The following AMPD2 variants were observed in gnomAD, a reference collection of about 807,000 sequenced individuals.
AMPD2 encodes adenosine monophosphate deaminase 2, also known as AMP deaminase 2.
A neutral mutation model predicts 91.3 loss-of-function variants in AMPD2; 52 were observed. The observed-to-expected ratio is 0.57, with a 90% CI of 0.46 to 0.72. The LOEUF (loss-of-function observed/expected upper bound fraction) is 0.72, where lower values mean the gene tolerates loss of function less well. Among genes scored for constraint, AMPD2 ranks in the 30% least tolerant of loss-of-function variants. The pLI, the probability that AMPD2 is intolerant of heterozygous loss-of-function variation, is 0.00. For missense variants in AMPD2, 822 were observed against 1,122.3 expected, an observed-to-expected ratio of 0.73 and a Z score of 3.82; for synonymous variants, 455 against 456.4, an observed-to-expected ratio of 1.00 and a Z score of 0.04.
Position 109,629,474 on chromosome 1 carries a change from T to C in AMPD2, c.1846T>C (p.Leu616=), listed in dbSNP as rs757521991. ...CTACACCTTTGCCAACATGGCCATG[T>C]TGAACCACCTGCGCAGGTGCCTGCA... ...LYYTFANMAM[L]NHLRRQRGFH... The change falls in exon 15 of 19, where the codon TTG becomes CTG. Residue 616 remains leucine (L), a synonymous_variant. Coordinates refer to ENST00000528667, the MANE Select transcript of AMPD2 (RefSeq NM_001368809.2). 9.3e-5 allele frequency: 150 copies of C among 1,613,800 alleles called. 3 individuals are homozygous for C. The South Asian group carries it at 1.5e-3, about 17-fold the overall frequency.
In AMPD2 at chr1:109,628,554, G is replaced by C. The variant is rs1416422889; in HGVS notation, c.1407+59G>C. The C allele has an allele frequency of 5.6e-6, 9 of 1,612,464 alleles. No homozygotes were observed. The highest frequency in any genetic ancestry group is 7.6e-6 in the Non-Finnish European group (9 of 1,179,432). ...CCTGAGGATCTGGGGGCTTTTAGGG[G>C]GTGAGACTCAAGGAGGGTAGGCAGA... On this transcript the variant is annotated intron_variant, in intron 12 of 18. Transcript: ENST00000528667. The surrounding 1 kb of genome is among the most constrained non-coding windows in gnomAD (Gnocchi z 7.1).
chr1:109,629,556 C>G, intron 15 of AMPD2, 66 bp downstream of exon 15: 1 of 1,583,458 alleles, frequency 6.3e-7, no homozygotes, highest in Non-Finnish European at 8.6e-7. Context: ...ACTCTTGGCA[C>G]CTTGGGCCAG....
At position 109,625,379 on chromosome 1, in the gene AMPD2, C is replaced by T. The variant is rs374804136; in HGVS notation, c.168C>T (p.His56=). 12 of 1,613,838 alleles carry T rather than the reference C, an allele frequency of 7.4e-6. No individual in the cohort carries two copies. The highest frequency in any genetic ancestry group is 1.7e-5 in the Admixed American group (1 of 60,000). ...CGGGCCCCGCCCCCTGCCTCAAGCACTTCCCGCTCGACCTGCGCACGTCTA... is the reference window on the plus strand; with the variant it reads ...CGGGCCCCGCCCCCTGCCTCAAGCATTTCCCGCTCGACCTGCGCACGTCTA... ...SLPGPAPCLK[H]FPLDLRTSMD... Residue 56 remains histidine (H), a synonymous_variant, in exon 3 of 19, where the codon CAC becomes CAT. Transcript: ENST00000528667. The surrounding 1 kb of genome is among the most constrained non-coding windows in gnomAD (Gnocchi z 4.0).
Position 109,630,159 on chromosome 1 carries a change from G to A in AMPD2, c.1984-74G>A, listed in dbSNP as rs189573337. Reference sequence around the variant, plus strand: ...TCCCCCTGCCCTCTGCTGTGGCCTGGACCCCCAGAACCACTGTGCCCTGCC... The same window carrying A: ...TCCCCCTGCCCTCTGCTGTGGCCTGAACCCCCAGAACCACTGTGCCCTGCC... On this transcript the variant is annotated intron_variant, in intron 16 of 18. Transcript: ENST00000528667. 26 of 1,533,714 alleles carry A rather than the reference G, an allele frequency of 1.7e-5. No individual in the cohort carries two copies. In the Admixed American group the frequency reaches 4.2e-4, roughly 25 times the overall value.
intron 16 of AMPD2, 64 bp from the exon 17 acceptor site, chr1:109,630,169 A>C: frequency 1.9e-6 from 3 of 1,573,192 alleles, no homozygotes; most frequent in Non-Finnish European, 2.6e-6. Context: ...GACCCCCAGA[A>C]CCACTGTGCC....
chr1:109,630,191 CG>C, intron 16 of AMPD2, 41 bp from the exon 17 acceptor site: 1 of 1,604,604 alleles, frequency 6.2e-7, no homozygotes. Flanking sequence ...TGCCCAGCCT[CG>C]GGGCCACCTG....
In AMPD2 at chr1:109,627,324, G is replaced by T. The variant is rs1161798198; in HGVS notation, c.860+8G>T. 6.2e-7 allele frequency: 1 copy of T among 1,606,458 alleles called. No individual in the cohort carries two copies. The highest frequency in any genetic ancestry group is 8.5e-7 in the Non-Finnish European group (1 of 1,174,654). On this transcript the variant is annotated splice_region_variant and intron_variant, in intron 8 of 18. Coordinates refer to ENST00000528667, the MANE Select transcript of AMPD2 (RefSeq NM_001368809.2). ...CAGGGAACCCGACGAGCAGTAAGAG[G>T]GGTGTGGTGCATGTTGGGGGGATGC...
chr1:109,630,262 G>A lies in AMPD2; in HGVS notation c.2013G>A (p.Leu671=), dbSNP rs140295036. 1.2e-5 allele frequency: 20 copies of A among 1,613,458 alleles called. No homozygotes were observed. Among genetic ancestry groups the A allele is most frequent in the South Asian group, 2.2e-5 (2 of 91,090 alleles). The part of the protein sequence containing the change: ...KAPVLQYLYY[L]AQIGIAMSPL... ...CCGTCCTGCAGTACCTGTACTACCT[G>A]GCCCAGATCGGCATCGCCATGTCTC... Residue 671 remains leucine, a synonymous_variant, in exon 17 of 19, where the codon CTG becomes CTA. Transcript: ENST00000528667.
rs1169596882 is a variant in AMPD2 at position 109,630,232 on chromosome 1, G to T, written c.1984-1G>T. The T allele has an allele frequency of 6.2e-7, 1 of 1,612,000 alleles. No homozygotes were observed. The highest frequency in any genetic ancestry group is 1.1e-5 in the South Asian group (1 of 91,088). ...GCCCTCCCTCCCTGTTGCCTGCCCA[G>T]GCCCCCGTCCTGCAGTACCTGTACT... is the stretch of plus-strand genomic sequence containing the variant. On this transcript the variant is annotated splice_acceptor_variant, in intron 16 of 18. Coordinates refer to ENST00000528667, the MANE Select transcript of AMPD2 (RefSeq NM_001368809.2). LOFTEE classifies it high-confidence loss of function.
At chr1:109,622,590 T>C (rs74113954) in intron 2 of AMPD2, among the ~76,000 whole-genome samples, 1 of 151,922 alleles carries the variant, frequency 6.6e-6, no homozygotes, top group Non-Finnish European at 1.5e-5. Context: ...GGCAGCTGAG[T>C]CTTCTAGGCC....
intron 1 of AMPD2, 198 bp downstream of exon 1, chr1:109,620,476 C>T: frequency 8.6e-7 from 1 of 1,162,202 alleles, no homozygotes; most frequent in African/African-American, 1.6e-5. Context: ...GTCTCTGTCC[C>T]AGACCCCCAG....
intron 2 of AMPD2, chr1:109,622,108 C>A: frequency 2.3e-6 from 1 of 425,780 alleles, no homozygotes; most frequent in South Asian, 1.7e-5. Context: ...CAGATCATGC[C>A]GACTGCCCCC....
intron 1 of AMPD2, chr1:109,620,563 C>T (rs1262023521): frequency 1.6e-6 from 2 of 1,261,582 alleles, no homozygotes; most frequent in African/African-American, 3.1e-5. Flanking sequence ...CGGGACAGGC[C>T]CCTCCCTCCT....
chr1:109,625,334 G>A lies in AMPD2; in HGVS notation c.123G>A (p.Leu41=), dbSNP rs1350090556. The A allele has an allele frequency of 2.5e-6, 4 of 1,613,352 alleles. No individual in the cohort carries two copies. Among genetic ancestry groups the A allele is most frequent in the South Asian group, 1.1e-5 (1 of 91,076 alleles). Residue 41 remains leucine (L), a synonymous_variant, in exon 3 of 19, where the codon CTG becomes CTA. Coordinates refer to ENST00000528667, the MANE Select transcript of AMPD2 (RefSeq NM_001368809.2). This position sits in a 1 kb window ranked among gnomAD's most constrained non-coding sequence, Gnocchi z 4.0. ...GGGGTGGTCTGGGGGCCCCTCCGCT[G>A]CAGTCTGCCCGATCCCTGCCGGGCC... ...EARGGLGAPP[L]QSARSLPGPA...
chr1:109,627,454 C>A lies in AMPD2; in HGVS notation c.886C>A (p.Pro296Thr), dbSNP rs779461645. 1.3e-5 allele frequency: 21 copies of A among 1,613,926 alleles called. No homozygotes were observed. In the South Asian group the frequency reaches 2.3e-4, roughly 18 times the overall value. Residue 296 changes from proline (P) to threonine (T), a missense_variant, in exon 9 of 19, where the codon CCT (proline) becomes ACT (threonine). By Grantham distance (38) the Pro-to-Thr change is conservative. This residue lies in a region of AMPD2 where 240 missense variants were observed against 270.3 expected (regional missense o/e 0.89). Coordinates refer to ENST00000528667, the MANE Select transcript of AMPD2 (RefSeq NM_001368809.2). ...EHCSEVELPYPDLQEFVADVN... is the reference protein window; with the variant it reads ...EHCSEVELPYTDLQEFVADVN... ...TTGCTCAGAGGTGGAGCTGCCATAC[C>A]CTGACCTGCAGGAATTTGTGGCTGA...
Position 109,630,932 on chromosome 1 carries a change from G to A in AMPD2, c.2269-11G>A, listed in dbSNP as rs758649985. The A allele has an allele frequency of 5.0e-6, 8 of 1,613,646 alleles. No homozygotes were observed. The African/African-American group carries it at 5.3e-5, about 11-fold the overall frequency. ...GGCTGCAGCCCTGCCCATTACCCCC[G>A]CTCCTTGCAGGTAAAGAGCCACTGG... is the stretch of plus-strand genomic sequence containing the variant. On this transcript the variant is annotated splice_polypyrimidine_tract_variant and intron_variant, in intron 18 of 18. Transcript: ENST00000528667.
chr1:109,628,962 G>C lies in AMPD2; in HGVS notation c.1572-147G>C. 1 of 1,439,668 alleles carries C rather than the reference G, an allele frequency of 6.9e-7. No homozygotes were observed. The highest frequency in any genetic ancestry group is 9.3e-7 in the Non-Finnish European group (1 of 1,076,998). The allele number at this position is 1,439,668 out of a possible 1,614,324, so 89.2% of individuals were successfully genotyped here. A position where few individuals can be genotyped will look rare whatever the true frequency, so the allele number is the denominator to read the frequency against. The stretch of plus-strand genomic sequence containing the variant: ...CCTGGTCCCATCCATGGTCTGTCCA[G>C]CCTGGCCCACCTGGGTATCCTTGCT... On this transcript the variant is annotated intron_variant, in intron 13 of 18. Coordinates refer to ENST00000528667, the MANE Select transcript of AMPD2 (RefSeq NM_001368809.2). This position sits in a 1 kb window ranked among gnomAD's most constrained non-coding sequence, Gnocchi z 7.1.
chr1:109,625,879 C>T lies in AMPD2; in HGVS notation c.353+87C>T, dbSNP rs533332130. 8.3e-6 allele frequency: 13 copies of T among 1,561,750 alleles called. No homozygotes were observed. Among genetic ancestry groups the T allele is most frequent in the Non-Finnish European group, 1.1e-5 (13 of 1,151,150 alleles). On this transcript the variant is annotated intron_variant, in intron 4 of 18. Coordinates refer to ENST00000528667, the MANE Select transcript of AMPD2 (RefSeq NM_001368809.2). The surrounding 1 kb of genome is among the most constrained non-coding windows in gnomAD (Gnocchi z 4.0). The stretch of plus-strand genomic sequence containing the variant: ...CTTTTCTGCCTCTTTCCCTCGCACC[C>T]TGCCTTGGGGGGTCTGCACAGGGAG...
At position 109,630,766 on chromosome 1, in the gene AMPD2, C is replaced by T. The variant is rs751539732; in HGVS notation, c.2241C>T (p.Ser747=). Residue 747 remains serine, a synonymous_variant, in exon 18 of 19, where the codon AGC becomes AGT. Coordinates refer to ENST00000528667, the MANE Select transcript of AMPD2 (RefSeq NM_001368809.2). The part of the protein sequence containing the change: ...SCDMCELARN[S]VLMSGFSHKV... ...ATATGTGTGAGCTGGCCCGCAACAG[C>T]GTGCTCATGAGCGGCTTCTCGCACA... 10 of 1,610,882 alleles carry T rather than the reference C, an allele frequency of 6.2e-6. No individual in the cohort carries two copies. The highest frequency in any genetic ancestry group is 5.3e-5 in the African/African-American group (4 of 74,818).
Sources: allele counts gnomAD v4.1 joint callset (sites outside exome capture counted in the v4.1 genomes callset), GRCh38; gene constraint gnomAD v4.1.1; regional missense constraint gnomAD v4.1.1; non-coding constraint Gnocchi (gnomAD v3.1); transcripts MANE v1.5; gene names NCBI Gene and HGNC (gene_info 2026-07-23, HGNC 2026-07-21).